The following PHF24 variants were observed in gnomAD, a reference collection of about 807,000 sequenced individuals.
PHF24 encodes Galpha inhibitory interacting protein.
Under a neutral mutation model 42.6 loss-of-function variants are expected in PHF24, and 25 were observed. The ratio of observed to expected loss-of-function variants is 0.59; its 90% CI spans 0.43 to 0.82. The LOEUF (loss-of-function observed/expected upper bound fraction) is 0.82, where lower values mean the gene tolerates loss of function less well. PHF24 is among the 40% of genes least tolerant of loss of function. PHF24 has a pLI of 0.00. For synonymous variants in PHF24, 185 were observed against 204.8 expected (o/e 0.90, Z 0.83); for missense variants, 470 against 538.1 (o/e 0.87, Z 1.25).
At chr9:34,739,415 A>G in the PHF24 span, among the ~76,000 whole-genome samples, 32 of 152,308 alleles carry the variant, frequency 2.1e-4, no homozygotes, top group East Asian at 6.2e-3. Context: ...AATTTACCTA[A>G]TAGATAAACT....
the PHF24 span, among the ~76,000 whole-genome samples, chr9:34,913,147 GA>G: frequency 1.4e-4 from 21 of 148,792 alleles, no homozygotes; most frequent in Non-Finnish European, 2.2e-4. Context: ...GAAAAACAGA[GA>G]AAAAAAAATT....
At chr9:34,836,035 G>A in the PHF24 span, 2 of 631,430 alleles carry the variant, frequency 3.2e-6, no homozygotes, top group South Asian at 1.5e-5. Flanking sequence ...ACTTCCCTCT[G>A]GGGGAAGCCA....
the PHF24 span, among the ~76,000 whole-genome samples, chr9:34,925,309 T>C: frequency 6.6e-3 from 1,011 of 152,338 alleles, 5 homozygotes; most frequent in Non-Finnish European, 0.011. Context: ...TTTTACAATT[T>C]GACTATAATG....
At chr9:34,710,771 GCTA>G in the PHF24 span, among the ~76,000 whole-genome samples, 2 of 152,024 alleles carry the variant, frequency 1.3e-5, no homozygotes, top group Non-Finnish European at 2.9e-5. Flanking sequence ...ACTACGTCCG[GCTA>G]CTGTTTTCAT....
the PHF24 span, among the ~76,000 whole-genome samples, chr9:34,906,187 A>G: frequency 2.0e-5 from 3 of 152,314 alleles, no homozygotes; most frequent in South Asian, 6.2e-4. Context: ...TTCTGAGCCA[A>G]TATGAGTGAC....
intron 3 of PHF24, 95 bp from the exon 4 acceptor site, chr9:34,976,057 C>T: frequency 2.4e-6 from 2 of 849,878 alleles, no homozygotes; most frequent in South Asian, 2.8e-5. Context: ...GATCTTGGAA[C>T]TGCTTTCCAG....
the PHF24 span, among the ~76,000 whole-genome samples, chr9:34,695,318 A>T: frequency 6.6e-6 from 1 of 152,186 alleles, no homozygotes; most frequent in Admixed American, 6.5e-5. Flanking sequence ...GTTCTGGAGG[A>T]GGGTGCCCAG....
At chr9:34,749,949 G>GA in the PHF24 span, among the ~76,000 whole-genome samples, 2 of 151,886 alleles carry the variant, frequency 1.3e-5, no homozygotes, top group Non-Finnish European at 2.9e-5. Context: ...AGTGCTGAAG[G>GA]AAAAAAACTT....
At chr9:34,777,800 G>A in the PHF24 span, among the ~76,000 whole-genome samples, 1 of 152,196 alleles carries the variant, frequency 6.6e-6, no homozygotes, top group Non-Finnish European at 1.5e-5. Flanking sequence ...TTGAGGGTGA[G>A]GCAATTTTCT....
At chr9:34,972,961 C>G (rs570440607) in intron 3 of PHF24, among the ~76,000 whole-genome samples, 1 of 151,340 alleles carries the variant, frequency 6.6e-6, no homozygotes, top group South Asian at 2.1e-4. Context: ...TACAAGAGAC[C>G]TAGAGCTAGG....
At chr9:34,891,784 C>T in the PHF24 span, among the ~76,000 whole-genome samples, 1 of 152,142 alleles carries the variant, frequency 6.6e-6, no homozygotes, top group Non-Finnish European at 1.5e-5. Flanking sequence ...TCAGGGCTTA[C>T]ATTGTATGAT....
At chr9:34,939,238 C>T in the PHF24 span, among the ~76,000 whole-genome samples, 3 of 152,214 alleles carry the variant, frequency 2.0e-5, no homozygotes, top group African/African-American at 7.2e-5. Context: ...AAGATCGTGC[C>T]ATTGCACTCT....
the PHF24 span, among the ~76,000 whole-genome samples, chr9:34,896,832 T>A: frequency 6.6e-6 from 1 of 152,012 alleles, no homozygotes; most frequent in African/African-American, 2.4e-5. Context: ...GTTCTTGCCC[T>A]GATAAAAGTG....
chr9:34,937,411 G>A, the PHF24 span, among the ~76,000 whole-genome samples: 15 of 152,036 alleles, frequency 9.9e-5, no homozygotes, highest in African/African-American at 3.1e-4. Flanking sequence ...GATTAAGGGC[G>A]GTGCAAGATG....
At chr9:34,972,278 C>T in intron 2 of PHF24, 68 bp from the exon 3 acceptor site, 1 of 1,424,110 alleles carries the variant, frequency 7.0e-7, no homozygotes, top group Non-Finnish European at 9.6e-7. Flanking sequence ...TAGCTCTGTG[C>T]TTAGTGGCCT....
the PHF24 span, among the ~76,000 whole-genome samples, chr9:34,904,888 G>A: frequency 6.6e-6 from 1 of 150,520 alleles, no homozygotes; most frequent in Non-Finnish European, 1.5e-5. Flanking sequence ...TCTCTTCTAG[G>A]TTTTCTAGTT....
chr9:34,703,612 T>A, the PHF24 span, among the ~76,000 whole-genome samples: 1 of 152,044 alleles, frequency 6.6e-6, no homozygotes, highest in Non-Finnish European at 1.5e-5. Flanking sequence ...AGGGAGGGGT[T>A]CTTAAGAAAT....
chr9:34,724,538 T>A, the PHF24 span: 11 of 1,550,222 alleles, frequency 7.1e-6, no homozygotes, highest in Non-Finnish European at 9.6e-6. Flanking sequence ...CCATTGTATC[T>A]CTAGGACCTT....
chr9:34,727,612 CAG>C, the PHF24 span, among the ~76,000 whole-genome samples: 46 of 152,262 alleles, frequency 3.0e-4, no homozygotes, highest in African/African-American at 1.1e-3. Context: ...AGAGTCTAGC[CAG>C]AGTCAGGTAT....
Sources: allele counts gnomAD v4.1 joint callset (sites outside exome capture counted in the v4.1 genomes callset), GRCh38; gene constraint gnomAD v4.1.1; transcripts MANE v1.5; gene names NCBI Gene and HGNC (gene_info 2026-07-23, HGNC 2026-07-21).